The following CCNY variants were observed in gnomAD, a reference collection of about 807,000 sequenced individuals.
CCNY encodes the protein cyclin Y.
CCNY carries 19 observed loss-of-function variants against 42.8 expected under a neutral mutation model. The ratio of observed to expected loss-of-function variants is 0.44; its 90% CI spans 0.31 to 0.65. CCNY has a LOEUF of 0.65. Among genes scored for constraint, CCNY ranks in the 30% least tolerant of loss-of-function variants. The pLI is 0.07. For missense variants in CCNY, 370 were observed against 437.3 expected, an observed-to-expected ratio of 0.85 and a Z score of 1.37; for synonymous variants, 165 against 162.7, an observed-to-expected ratio of 1.01 and a Z score of -0.11.
chr10:35,514,147 A>C (rs1051454784), intron 3 of CCNY, among the ~76,000 whole-genome samples: 1 of 151,406 alleles, frequency 6.6e-6, no homozygotes, highest in Non-Finnish European at 1.5e-5. Context: ...GATTACAGCT[A>C]TTTCGGCTTT....
rs540943521 is a variant in CCNY at position 35,391,849 on chromosome 10, A to G, written c.154+54642A>G. Among the ~76,000 whole-genome samples, 6 of 152,090 alleles carry G rather than the reference A, an allele frequency of 3.9e-5. No individual in the cohort carries two copies. In the East Asian group the frequency reaches 9.7e-4, roughly 25 times the overall value. ...TCCCCCTCCTACTCCCCGCTCTGCT[A>G]CCGTTCCTCTTCTTCCCTCTTCCTT... On this transcript the variant is annotated intron_variant, in intron 1 of 9. Coordinates refer to ENST00000374704, the MANE Select transcript of CCNY (RefSeq NM_145012.6).
chr10:35,414,418 T>G (rs2135252767), intron 1 of CCNY, among the ~76,000 whole-genome samples: 1 of 152,340 alleles, frequency 6.6e-6, no homozygotes, highest in African/African-American at 2.4e-5. Context: ...TTTTCCACCA[T>G]GGGAGTTATT....
chr10:35,507,808 T>A (rs199803474), intron 3 of CCNY, among the ~76,000 whole-genome samples: 37 of 134,326 alleles, frequency 2.8e-4, no homozygotes, highest in Middle Eastern at 7.8e-3. Flanking sequence ...TTTTTTTTTT[T>A]AAATAATAAT....
chr10:35,373,355 CA>C (rs1187413709), intron 1 of CCNY, among the ~76,000 whole-genome samples: 1 of 152,152 alleles, frequency 6.6e-6, no homozygotes, highest in East Asian at 1.9e-4. Flanking sequence ...CAGCTGTCAG[CA>C]ATGGATTCCT....
intron 7 of CCNY, among the ~76,000 whole-genome samples, chr10:35,547,211 A>G (rs1331302166): frequency 6.6e-6 from 1 of 152,310 alleles, no homozygotes; most frequent in African/African-American, 2.4e-5. Context: ...CACAGAGGAC[A>G]ATTATGATCT....
chr10:35,337,096 C>T lies in CCNY; in HGVS notation c.43C>T (p.Leu15Phe), dbSNP rs778811540. 1 of 1,595,744 alleles carries T rather than the reference C, an allele frequency of 6.3e-7. No individual in the cohort carries two copies. Among genetic ancestry groups the T allele is most frequent in the South Asian group, 1.1e-5 (1 of 87,934 alleles). Residue 15 changes from leucine (L) to phenylalanine (F), a missense_variant, in exon 1 of 10, where the codon CTC becomes TTC. Leu to Phe is a conservative substitution (Grantham distance 22). Transcript: ENST00000374704. ...GTGCTGCGTGTCGTCCAGTCCCAAGCTCCGGAGGAATGCCCACTCCCGGCT... is the reference window on the plus strand; with the variant it reads ...GTGCTGCGTGTCGTCCAGTCCCAAGTTCCGGAGGAATGCCCACTCCCGGCT... Reference protein sequence around the residue: ...TSCCVSSSPKLRRNAHSRLES... With the variant: ...TSCCVSSSPKFRRNAHSRLES...
At chr10:35,286,996 C>T (rs185337784) in intron 3 of CCNY, among the ~76,000 whole-genome samples, 2 of 152,278 alleles carry the variant, frequency 1.3e-5, no homozygotes, top group Non-Finnish European at 2.9e-5. Flanking sequence ...TCAAAAAGAG[C>T]AACCTCTTAG....
intron 1 of CCNY, among the ~76,000 whole-genome samples, chr10:35,431,926 C>A (rs1186262728): frequency 6.6e-6 from 1 of 152,108 alleles, no homozygotes; most frequent in East Asian, 1.9e-4. Context: ...ATAAAGACAT[C>A]ATGGATTTGT....
In CCNY at chr10:35,566,881, T is replaced by C. The variant is rs180945180; in HGVS notation, c.909+696T>C. Among the ~76,000 whole-genome samples the C allele has an allele frequency of 7.6e-3, 1,158 of 151,988 alleles. 12 individuals are homozygous for C. Among genetic ancestry groups the C allele is most frequent in the African/African-American group, 0.027 (1,107 of 41,448 alleles). On this transcript the variant is annotated intron_variant, in intron 9 of 9. Coordinates refer to ENST00000374704, the MANE Select transcript of CCNY (RefSeq NM_145012.6). ...CCACCACGCCCAGCTAATTTTTTTT[T>C]GTATTTTTAGTAGAGATGGATGGGG...
chr10:35,426,109 G>GCACACA lies in CCNY; in HGVS notation c.155-57294_155-57293insACACAC, dbSNP rs1341818857. Among the ~76,000 whole-genome samples the GCACACA allele has an allele frequency of 4.2e-3, 471 of 111,736 alleles. 13 individuals are homozygous for GCACACA. The highest frequency in any genetic ancestry group is 4.9e-3 in the East Asian group (19 of 3,914). 73.3% of individuals were successfully genotyped at this position (111,736 alleles called of 152,430 possible). A position where few individuals can be genotyped will look rare whatever the true frequency, so the allele number is the denominator to read the frequency against. On this transcript the variant is annotated intron_variant, in intron 1 of 9. Transcript: ENST00000374704. The stretch of plus-strand genomic sequence containing the variant: ...TCTTCTCCCTTCACTGGTCCAGCAC[G>GCACACA]CGCACACACACACACACACACACAC...
chr10:35,366,105 A>G (rs183712091), intron 1 of CCNY, among the ~76,000 whole-genome samples: 1 of 152,386 alleles, frequency 6.6e-6, no homozygotes, highest in Non-Finnish European at 1.5e-5. Context: ...GAATATATGC[A>G]TAAATACACG....
chr10:35,280,478 AGAAGGAAGGAAG>A (rs144433317), intron 3 of CCNY, among the ~76,000 whole-genome samples: 1,651 of 148,396 alleles, frequency 0.011, 41 homozygotes, highest in African/African-American at 0.039. Flanking sequence ...AAGGAAGGAA[AGAAGGAAGGAAG>A]GAAGGAAGGA....
intron 1 of CCNY, among the ~76,000 whole-genome samples, chr10:35,337,781 A>G (rs1836081690): frequency 1.3e-5 from 2 of 152,038 alleles, no homozygotes; most frequent in Admixed American, 1.3e-4. Flanking sequence ...GGATTAGTCA[A>G]ATAGCTTCTC....
chr10:35,544,941 TG>T (rs1841080099), intron 7 of CCNY, among the ~76,000 whole-genome samples: 1 of 152,238 alleles, frequency 6.6e-6, no homozygotes, highest in Non-Finnish European at 1.5e-5. Context: ...GATCATTTCC[TG>T]GGCTGCAAAG....
intron 3 of CCNY, among the ~76,000 whole-genome samples, chr10:35,265,371 C>A (rs546703153): frequency 2.4e-4 from 37 of 152,274 alleles, no homozygotes; most frequent in African/African-American, 8.2e-4. Context: ...GATTAGTGTT[C>A]TTTTTAACTT....
intron 5 of CCNY, among the ~76,000 whole-genome samples, chr10:35,526,675 T>C (rs1165997518): frequency 6.6e-6 from 1 of 152,164 alleles, no homozygotes. Flanking sequence ...CCAAGTTTTT[T>C]TTTTTTTTTT....
chr10:35,312,291 G>A (rs1835694917), intron 3 of CCNY, among the ~76,000 whole-genome samples: 1 of 143,084 alleles, frequency 7.0e-6, no homozygotes, highest in African/African-American at 2.6e-5. Flanking sequence ...TGAGGCAGGA[G>A]AATCGCTTGA....
intron 3 of CCNY, among the ~76,000 whole-genome samples, chr10:35,506,165 G>T (rs979849816): frequency 2.0e-5 from 3 of 152,152 alleles, no homozygotes; most frequent in African/African-American, 7.2e-5. Flanking sequence ...TGTGAAAGAA[G>T]ACTAAGTTTT....
At chr10:35,256,637 C>G (rs2095715696) in intron 3 of CCNY, among the ~76,000 whole-genome samples, 1 of 151,486 alleles carries the variant, frequency 6.6e-6, no homozygotes, top group African/African-American at 2.4e-5. Flanking sequence ...GAGGCTGAGG[C>G]AGAGAACTGC....
Sources: gnomAD v4.1 joint callset for allele counts (sites outside exome capture counted in the v4.1 genomes callset) on GRCh38, gnomAD v4.1.1 for gene constraint, MANE v1.5 for transcripts, NCBI Gene and HGNC (gene_info 2026-07-23, HGNC 2026-07-21) for gene names.